Variants in PCDHGB4 observed in about 807,000 individuals in gnomAD.
PCDHGB4 encodes protocadherin gamma subfamily B, 4.
Under a neutral mutation model 60.5 loss-of-function variants are expected in PCDHGB4, and 38 were observed. The observed-to-expected ratio is 0.63, with a 90% CI of 0.48 to 0.82. The LOEUF is 0.82. Among genes scored for constraint, PCDHGB4 ranks in the 40% least tolerant of loss-of-function variants. The pLI is 0.00. For synonymous variants in PCDHGB4, 456 were observed against 509.7 expected, an observed-to-expected ratio of 0.89 and a Z score of 1.42; for missense variants, 1,109 against 1,209.6, an observed-to-expected ratio of 0.92 and a Z score of 1.23.
intron 1 of PCDHGB4, among the ~76,000 whole-genome samples, chr5:141,484,179 A>G (rs2099592960): frequency 6.6e-6 from 1 of 152,222 alleles, no homozygotes; most frequent in South Asian, 2.1e-4. Context: ...GATCTCAATC[A>G]TTCAAGGAAG....
At chr5:141,392,005 T>A (rs1323895692) in intron 1 of PCDHGB4, 1 of 152,198 alleles carries the variant, frequency 6.6e-6, no homozygotes, top group African/African-American at 2.4e-5. Context: ...AAAACTGCAA[T>A]GGTAAAAGCA....
Position 141,456,465 on chromosome 5 carries a change from C to T in PCDHGB4, c.2398-38342C>T, listed in dbSNP as rs553441797. ...ACAGAGTCCAAATATCAATACAAGA[C>T]ATATAAGCAAGAGAGTGCTTAATAA... On this transcript the variant is annotated intron_variant, in intron 1 of 3. Coordinates refer to ENST00000519479, the MANE Select transcript of PCDHGB4 (RefSeq NM_003736.4). 2.6e-5 allele frequency among the ~76,000 whole-genome samples: 4 copies of T among 152,212 alleles called. No homozygotes were observed. In the East Asian group the frequency reaches 7.7e-4, roughly 29 times the overall value.
At position 141,485,133 on chromosome 5, in the gene PCDHGB4, C is replaced by A; in HGVS notation, c.2398-9674C>A. On this transcript the variant is annotated intron_variant, in intron 1 of 3. Transcript: ENST00000519479. The surrounding 1 kb of genome is among the most constrained non-coding windows in gnomAD (Gnocchi z 5.7). Reference sequence around the variant, plus strand: ...GCTGTTTGGGGCGGGTCGGCTTCATCCGCGTCTCAGGAGCAAGTAGAGAAT... The same window carrying A: ...GCTGTTTGGGGCGGGTCGGCTTCATACGCGTCTCAGGAGCAAGTAGAGAAT... The A allele has an allele frequency of 2.7e-6, 4 of 1,492,492 alleles. No homozygotes were observed. The highest frequency in any genetic ancestry group is 1.7e-5 in the Admixed American group (1 of 58,334). The allele number at this position is 1,492,492 out of a possible 1,614,324, so 92.5% of individuals were successfully genotyped here.
chr5:141,412,967 A>G, intron 1 of PCDHGB4: 1 of 520,650 alleles, frequency 1.9e-6, no homozygotes, highest in Non-Finnish European at 3.3e-6. Context: ...CTACTAGGAG[A>G]GAAAACGCAG....
At chr5:141,419,311 C>G (rs745852942) in intron 1 of PCDHGB4, 1 of 1,613,994 alleles carries the variant, frequency 6.2e-7, no homozygotes, top group Non-Finnish European at 8.5e-7. Flanking sequence ...TCGGGCTCAA[C>G]GGCCGTGTCT....
chr5:141,507,012 G>A (rs2099857902), intron 3 of PCDHGB4: 1 of 152,208 alleles, frequency 6.6e-6, no homozygotes, highest in Admixed American at 6.5e-5. Flanking sequence ...AGAGAACCGA[G>A]AAGGCACTTG....
chr5:141,509,068 G>T (rs1267011061), intron 3 of PCDHGB4, among the ~76,000 whole-genome samples: 1 of 152,144 alleles, frequency 6.6e-6, no homozygotes, highest in Non-Finnish European at 1.5e-5. Context: ...TCTCAGCTCC[G>T]GGGATTTGCG....
intron 1 of PCDHGB4, chr5:141,410,268 A>C: frequency 6.2e-7 from 1 of 1,613,994 alleles, no homozygotes. Context: ...GCTGAACTGC[A>C]GTTTTACCTG....
At chr5:141,406,446 C>T (rs1292880739) in intron 1 of PCDHGB4, among the ~76,000 whole-genome samples, 1 of 152,200 alleles carries the variant, frequency 6.6e-6, no homozygotes, top group Non-Finnish European at 1.5e-5. Flanking sequence ...TCTTCCATTT[C>T]TATGACAGGA....
intron 1 of PCDHGB4, chr5:141,442,421 T>G (rs1288481455): frequency 1.3e-5 from 2 of 152,290 alleles, no homozygotes; most frequent in East Asian, 3.9e-4. Flanking sequence ...TGAACTTCTT[T>G]TTTGAATCCC....
intron 1 of PCDHGB4, chr5:141,403,093 C>T (rs1368239890): frequency 6.2e-7 from 1 of 1,614,072 alleles, no homozygotes; most frequent in Non-Finnish European, 8.5e-7. Flanking sequence ...TTGTGGGCAA[C>T]ATCTCCAAGG....
At chr5:141,395,521 T>C in intron 1 of PCDHGB4, 1 of 388,366 alleles carries the variant, frequency 2.6e-6, no homozygotes, top group East Asian at 5.0e-5. Context: ...TACCCGTCCA[T>C]ACTGGTAATT....
In PCDHGB4 at chr5:141,463,518, G is replaced by A. The variant is rs537466389; in HGVS notation, c.2398-31289G>A. 5.7e-5 allele frequency among the ~76,000 whole-genome samples: 8 copies of A among 139,140 alleles called. No individual in the cohort carries two copies. The East Asian group carries it at 1.3e-3, about 22-fold the overall frequency. The allele number at this position is 139,140 out of a possible 152,430, so 91.3% of individuals were successfully genotyped here. On this transcript the variant is annotated intron_variant, in intron 1 of 3. Coordinates refer to ENST00000519479, the MANE Select transcript of PCDHGB4 (RefSeq NM_003736.4). The stretch of plus-strand genomic sequence containing the variant: ...GGCTGGAGTGACGTGGCGTGATCTC[G>A]GCTTACTAGAAACTCCGGCTCCCGG...
rs142590218 is a variant in PCDHGB4, at chr5:141,489,982, C to T, written c.2398-4825C>T. On this transcript the variant is annotated intron_variant, in intron 1 of 3. Coordinates refer to ENST00000519479, the MANE Select transcript of PCDHGB4 (RefSeq NM_003736.4). This position sits in a 1 kb window ranked among gnomAD's most constrained non-coding sequence, Gnocchi z 4.5. ...TCCAACCTTCCAATCCTCAGTTCTA[C>T]GTGTGGGAATCCCAGAGAATGCACC... The T allele has an allele frequency of 2.9e-5, 47 of 1,614,010 alleles. No individual in the cohort carries two copies. The highest frequency in any genetic ancestry group is 3.7e-5 in the Non-Finnish European group (44 of 1,179,964).
intron 1 of PCDHGB4, among the ~76,000 whole-genome samples, chr5:141,453,827 C>T (rs2098775483): frequency 6.6e-6 from 1 of 152,320 alleles, no homozygotes; most frequent in South Asian, 2.1e-4. Flanking sequence ...AACTTGGCTG[C>T]TAGCCCTTCA....
In PCDHGB4 at chr5:141,418,344, T is replaced by C. The variant is rs746519142; in HGVS notation, c.2397+28063T>C. On this transcript the variant is annotated intron_variant, in intron 1 of 3. Transcript: ENST00000519479. ...CTTGAGTCTGCAGAAGATCCTGATA[T>C]TAGTATGAATTCGCTGAGCAAATAC... 4.3e-6 allele frequency: 7 copies of C among 1,613,890 alleles called. No individual in the cohort carries two copies. The highest frequency in any genetic ancestry group is 2.2e-5 in the South Asian group (2 of 91,086).
chr5:141,415,649 A>C, intron 1 of PCDHGB4: 1 of 1,597,710 alleles, frequency 6.3e-7, no homozygotes, highest in Non-Finnish European at 8.5e-7. Context: ...GTTAAAAAAA[A>C]AAAGATTGGT....
At chr5:141,471,571 A>G (rs1417147609) in intron 1 of PCDHGB4, 1 of 152,224 alleles carries the variant, frequency 6.6e-6, no homozygotes, top group African/African-American at 2.4e-5. Context: ...GGGTAGCAGT[A>G]GATAGGGTAA....
rs561392729 is a variant in PCDHGB4, at chr5:141,475,706, G to T, written c.2398-19101G>T. On this transcript the variant is annotated intron_variant, in intron 1 of 3. Transcript: ENST00000519479. ...GGATTGGAGACTTGCAGAACGGCTA[G>T]CCTCACAGCCCCAAGGCTGGCTTTC... Among the ~76,000 whole-genome samples the T allele has an allele frequency of 7.2e-5, 11 of 152,364 alleles. 1 individual carries two copies. In the South Asian group the frequency reaches 2.3e-3, roughly 32 times the overall value.
Sources: allele counts gnomAD v4.1 joint callset (sites outside exome capture counted in the v4.1 genomes callset), GRCh38; gene constraint gnomAD v4.1.1; non-coding constraint Gnocchi (gnomAD v3.1); transcripts MANE v1.5; gene names NCBI Gene and HGNC (gene_info 2026-07-23, HGNC 2026-07-21).